DGKI: variants seen among roughly 807,000 people sequenced by gnomAD.
DGKI encodes the protein DAG kinase iota.
In DGKI, 55 loss-of-function variants were observed where a neutral mutation model predicts 147.5. The observed-to-expected ratio is 0.37, with a 90% CI of 0.30 to 0.47. The LOEUF is 0.47. Among genes scored for constraint, DGKI ranks in the 20% least tolerant of loss-of-function variants. The probability of loss-of-function intolerance (pLI) is 1.00; values close to 1 mark genes in which losing one functional copy is unlikely to be tolerated. For synonymous variants in DGKI, 469 were observed against 477.1 expected, an observed-to-expected ratio of 0.98 and a Z score of 0.22; for missense variants, 1,007 against 1,323.8, an observed-to-expected ratio of 0.76 and a Z score of 3.71.
intron 20 of DGKI, among the ~76,000 whole-genome samples, chr7:137,530,753 A>C: frequency 6.6e-6 from 1 of 152,150 alleles, no homozygotes; most frequent in Non-Finnish European, 1.5e-5. Context: ...GAATGGGACC[A>C]CTCAAAAGAA....
At chr7:137,543,834 G>A (rs556544953) in intron 20 of DGKI, among the ~76,000 whole-genome samples, 13 of 152,188 alleles carry the variant, frequency 8.5e-5, no homozygotes, top group Middle Eastern at 3.4e-3. Context: ...AAGGCTATCC[G>A]CACTGCCATA....
chr7:137,619,359 G>A (rs1563115303), intron 8 of DGKI, among the ~76,000 whole-genome samples: 2 of 152,214 alleles, frequency 1.3e-5, no homozygotes, highest in Admixed American at 1.3e-4. Context: ...GCAGGCCTGT[G>A]TATTCAGGAA....
chr7:137,542,781 A>G (rs564549882), intron 20 of DGKI, among the ~76,000 whole-genome samples: 91 of 152,276 alleles, frequency 6.0e-4, no homozygotes, highest in African/African-American at 2.2e-3. Context: ...AATAAAAGCA[A>G]ATATAATAAA....
intron 12 of DGKI, among the ~76,000 whole-genome samples, chr7:137,590,480 G>A (rs962186524): frequency 7.2e-5 from 11 of 152,074 alleles, no homozygotes; most frequent in Non-Finnish European, 1.2e-4. Context: ...GAAACCAAAG[G>A]GATTCAGAGA....
chr7:137,599,948 T>A (rs747342883), intron 10 of DGKI, 43 bp from the exon 11 acceptor site: 1 of 1,504,620 alleles, frequency 6.6e-7, no homozygotes, highest in Non-Finnish European at 9.2e-7. Context: ...TAGGAAGAAA[T>A]TTCCCAAGAA....
chr7:137,431,664 G>A (rs548925586), intron 28 of DGKI, among the ~76,000 whole-genome samples: 20 of 152,242 alleles, frequency 1.3e-4, no homozygotes, highest in African/African-American at 4.8e-4. Flanking sequence ...ATTTAAAGGT[G>A]GTGTTTTTAA....
chr7:137,533,580 C>T (rs769277028), intron 20 of DGKI, among the ~76,000 whole-genome samples: 13 of 152,062 alleles, frequency 8.5e-5, no homozygotes, highest in Non-Finnish European at 1.3e-4. Context: ...AGAAAACATA[C>T]TTGTTTTACT....
chr7:137,653,639 G>A (rs1330558751), intron 5 of DGKI, among the ~76,000 whole-genome samples: 2 of 152,078 alleles, frequency 1.3e-5, no homozygotes, highest in Non-Finnish European at 2.9e-5. Context: ...CTTAATTGCC[G>A]CCTCTTCCAG....
chr7:137,707,548 C>T (rs116065863), intron 1 of DGKI, among the ~76,000 whole-genome samples: 80 of 152,294 alleles, frequency 5.3e-4, no homozygotes, highest in African/African-American at 1.9e-3. Context: ...TACTATCCCT[C>T]TTGGAGCTGT....
chr7:137,620,488 G>C (rs1336879992), intron 7 of DGKI, among the ~76,000 whole-genome samples: 5 of 152,068 alleles, frequency 3.3e-5, no homozygotes, highest in African/African-American at 1.2e-4. Context: ...TTCCGGTTTA[G>C]AGAAGGCAGA....
At chr7:137,742,732 AAT>A (rs1005045825) in intron 1 of DGKI, among the ~76,000 whole-genome samples, 5 of 123,726 alleles carry the variant, frequency 4.0e-5, no homozygotes, top group African/African-American at 2.1e-4. Context: ...GGGGAAAAAA[AAT>A]AAAGTCAGAA....
chr7:137,658,139 A>G (rs759316029), intron 3 of DGKI, among the ~76,000 whole-genome samples: 2 of 152,220 alleles, frequency 1.3e-5, no homozygotes, highest in African/African-American at 2.4e-5. Context: ...ACTACTGAAC[A>G]GTGTCTTGTT....
At chr7:137,594,031 T>C (rs1452533077) in intron 12 of DGKI, among the ~76,000 whole-genome samples, 2 of 152,070 alleles carry the variant, frequency 1.3e-5, no homozygotes, top group African/African-American at 4.8e-5. Context: ...TTGGGGAATG[T>C]TTCCCTCTGC....
At chr7:137,415,009 T>C (rs1056502091) in intron 28 of DGKI, among the ~76,000 whole-genome samples, 3 of 152,140 alleles carry the variant, frequency 2.0e-5, no homozygotes, top group African/African-American at 7.2e-5. Flanking sequence ...CATAAGTACA[T>C]GAAAAAGACA....
intron 27 of DGKI, among the ~76,000 whole-genome samples, chr7:137,444,876 T>C (rs1228459700): frequency 6.6e-6 from 1 of 152,220 alleles, no homozygotes; most frequent in African/African-American, 2.4e-5. Flanking sequence ...ACTACGGCTT[T>C]GACTCACACT....
chr7:137,666,905 T>C (rs1822660638), intron 3 of DGKI, among the ~76,000 whole-genome samples: 2 of 152,216 alleles, frequency 1.3e-5, no homozygotes, highest in South Asian at 4.1e-4. Flanking sequence ...CTCTGTACTT[T>C]GTTGCCCTTG....
At chr7:137,752,161 TA>T (rs1173347553) in intron 1 of DGKI, among the ~76,000 whole-genome samples, 1 of 151,644 alleles carries the variant, frequency 6.6e-6, no homozygotes, top group East Asian at 1.9e-4. Context: ...CCCTGGATAA[TA>T]AAAGTTGTGG....
At chr7:137,716,540 AT>A (rs1161006499) in intron 1 of DGKI, among the ~76,000 whole-genome samples, 2 of 152,234 alleles carry the variant, frequency 1.3e-5, no homozygotes, top group African/African-American at 4.8e-5. Flanking sequence ...CAGGGAGGTA[AT>A]GAAAAATGAA....
At position 137,487,628 on chromosome 7, in the gene DGKI, G is replaced by A; in HGVS notation, c.2310C>T (p.Tyr770=). ...GDCDLETCRM[Y]IDRLQEDLQS... ...AACTCACCTCCTGTAGGCGGTCTAT[G>A]TACATACGGCAAGTCTCCAAATCAC... Residue 770 remains tyrosine, a synonymous_variant, in exon 22 of 33, where the codon TAC becomes TAT. Coordinates refer to ENST00000614521, the MANE Select transcript of DGKI (RefSeq NM_001321708.2). 1 of 1,613,742 alleles carries A rather than the reference G, an allele frequency of 6.2e-7. No homozygotes were observed. The highest frequency in any genetic ancestry group is 1.1e-5 in the South Asian group (1 of 91,066).
Sources: gnomAD v4.1 joint callset for allele counts (sites outside exome capture counted in the v4.1 genomes callset) on GRCh38, gnomAD v4.1.1 for gene constraint, MANE v1.5 for transcripts, NCBI Gene and HGNC (gene_info 2026-07-23, HGNC 2026-07-21) for gene names.